Variants in SLCO3A1 observed in about 807,000 individuals in gnomAD.
SLCO3A1 encodes PGE1 transporter.
SLCO3A1 carries 27 observed loss-of-function variants against 63.1 expected under a neutral mutation model. That is an observed-to-expected ratio of 0.43 (90% CI 0.32 to 0.59). SLCO3A1 has a LOEUF of 0.59. SLCO3A1 is among the 20% of genes least tolerant of loss of function. SLCO3A1 has a pLI of 0.09. For missense variants in SLCO3A1, 773 were observed against 945.8 expected, an observed-to-expected ratio of 0.82 and a Z score of 2.40; for synonymous variants, 473 against 409.9, an observed-to-expected ratio of 1.15 and a Z score of -1.86.
chr15:92,017,401 A>G (rs147335644), intron 2 of SLCO3A1, among the ~76,000 whole-genome samples: 1,548 of 152,338 alleles, frequency 0.01, 23 homozygotes, highest in African/African-American at 0.034. Context: ...GTTCCCTGAC[A>G]GGGAAGGACC....
intron 2 of SLCO3A1, among the ~76,000 whole-genome samples, chr15:92,004,469 G>A (rs1597211353): frequency 6.6e-6 from 1 of 152,220 alleles, no homozygotes; most frequent in East Asian, 1.9e-4. Context: ...CGTGGAGAGG[G>A]GAGTGGTTTT....
At chr15:91,965,309 C>T (rs1210588378) in intron 2 of SLCO3A1, among the ~76,000 whole-genome samples, 1 of 152,158 alleles carries the variant, frequency 6.6e-6, no homozygotes, top group Admixed American at 6.5e-5. Context: ...AAACATTTAT[C>T]CCCCTGGATG....
chr15:92,104,252 A>C (rs758137793), intron 3 of SLCO3A1, 27 bp from the exon 4 acceptor site: 8 of 1,612,180 alleles, frequency 5.0e-6, no homozygotes, highest in Non-Finnish European at 6.8e-6. Flanking sequence ...TCTTTTCTCC[A>C]CTAAGCTGTG....
chr15:91,947,164 CTT>C (rs2151406140), intron 2 of SLCO3A1, among the ~76,000 whole-genome samples: 1 of 152,336 alleles, frequency 6.6e-6, no homozygotes, highest in African/African-American at 2.4e-5. Flanking sequence ...AAGCTTCGCT[CTT>C]TGAAATATCC....
intron 2 of SLCO3A1, among the ~76,000 whole-genome samples, chr15:91,964,528 T>C (rs2151423916): frequency 6.6e-6 from 1 of 152,136 alleles, no homozygotes; most frequent in East Asian, 1.9e-4. Flanking sequence ...TTGCTATATT[T>C]AGTTCCTCCT....
chr15:92,054,474 G>T (rs1000936556), intron 2 of SLCO3A1, among the ~76,000 whole-genome samples: 1 of 151,872 alleles, frequency 6.6e-6, no homozygotes, highest in Non-Finnish European at 1.5e-5. Context: ...TTTCAGTTCT[G>T]GGATACATGT....
In SLCO3A1 at chr15:92,080,938, CTGTGTGTGTGTG is replaced by C. The variant is rs542459686; in HGVS notation, c.647-13907_647-13896del. On this transcript the variant is annotated intron_variant, in intron 2 of 9. Transcript: ENST00000318445. The stretch of plus-strand genomic sequence containing the variant: ...TTTCATTTTTATGGATACATAGTAG[CTGTGTGTGTGTG>C]TGTGTGTGTGTGTGTGTGTGTGTGT... 5.0e-3 allele frequency among the ~76,000 whole-genome samples: 649 copies of C among 128,974 alleles called. 2 individuals carry two copies. Among genetic ancestry groups the C allele is most frequent in the African/African-American group, 0.014 (446 of 32,296 alleles). The allele number at this position is 128,974 out of a possible 152,430, so 84.6% of individuals were successfully genotyped here.
At chr15:92,110,885 A>T (rs1414680426) in intron 4 of SLCO3A1, among the ~76,000 whole-genome samples, 2 of 144,180 alleles carry the variant, frequency 1.4e-5, no homozygotes, top group Non-Finnish European at 3.1e-5. Context: ...TAGACTTGGC[A>T]AGAGCTTCAG....
chr15:92,147,080 C>A lies in SLCO3A1; in HGVS notation c.1609C>A (p.Leu537Ile), dbSNP rs748743279. The change falls in exon 8 of 10, where the codon CTC becomes ATC. Residue 537 changes from leucine (L) to isoleucine (I), a missense_variant. Transcript: ENST00000318445. ...CAGTCCTGGGTGCCAAGAGGCCTTCCTCACTTTCCTCTGTGTGATGTGTAT... is the reference window on the plus strand; with the variant it reads ...CAGTCCTGGGTGCCAAGAGGCCTTCATCACTTTCCTCTGTGTGATGTGTAT... Reference protein sequence around the residue: ...CPSPGCQEAFLTFLCVMCICS... With the variant: ...CPSPGCQEAFITFLCVMCICS... 1 of 1,614,170 alleles carries A rather than the reference C, an allele frequency of 6.2e-7. No homozygotes were observed. Among genetic ancestry groups the A allele is most frequent in the Non-Finnish European group, 8.5e-7 (1 of 1,180,022 alleles).
intron 2 of SLCO3A1, among the ~76,000 whole-genome samples, chr15:92,071,270 A>T (rs919109037): frequency 1.3e-5 from 2 of 152,262 alleles, no homozygotes; most frequent in East Asian, 1.9e-4. Flanking sequence ...GAGCGTGAGG[A>T]TGAAGACAGG....
chr15:91,980,240 A>G (rs2151435981), intron 2 of SLCO3A1, among the ~76,000 whole-genome samples: 1 of 152,134 alleles, frequency 6.6e-6, no homozygotes, highest in South Asian at 2.1e-4. Context: ...GAGCTGCCCA[A>G]GGGACATACA....
At chr15:92,022,525 G>C (rs2046522960) in intron 2 of SLCO3A1, among the ~76,000 whole-genome samples, 1 of 152,188 alleles carries the variant, frequency 6.6e-6, no homozygotes, top group Non-Finnish European at 1.5e-5. Context: ...AAAATGCATT[G>C]TTTCTGCCTT....
At chr15:91,917,396 C>T (rs1898698046) in intron 2 of SLCO3A1, among the ~76,000 whole-genome samples, 1 of 152,186 alleles carries the variant, frequency 6.6e-6, no homozygotes. Flanking sequence ...CTGGATTTGA[C>T]ATAAAGGTTC....
chr15:91,941,981 C>T lies in SLCO3A1; in HGVS notation c.646+25523C>T, dbSNP rs1453635103. Among the ~76,000 whole-genome samples, 1 of 152,196 alleles carries T rather than the reference C, an allele frequency of 6.6e-6. No homozygotes were observed. Among genetic ancestry groups the T allele is most frequent in the Non-Finnish European group, 1.5e-5 (1 of 68,040 alleles). On this transcript the variant is annotated intron_variant, in intron 2 of 9. Coordinates refer to ENST00000318445, the MANE Select transcript of SLCO3A1 (RefSeq NM_013272.4). The surrounding 1 kb of genome is among the most constrained non-coding windows in gnomAD (Gnocchi z 4.4). The stretch of plus-strand genomic sequence containing the variant: ...CTGCCTGCCTTTGAGCTAGGTCTTA[C>T]CCATCCACGACAAAAATGAGAGAAC...
chr15:91,968,596 G>C lies in SLCO3A1; in HGVS notation c.646+52138G>C, dbSNP rs566488703. The stretch of plus-strand genomic sequence containing the variant: ...AAGGAAGTTCCATCACAGACAAGGA[G>C]TGAGAAGAAGCCAGGGTAGAAACAA... On this transcript the variant is annotated intron_variant, in intron 2 of 9. Transcript: ENST00000318445. The surrounding 1 kb of genome is among the most constrained non-coding windows in gnomAD (Gnocchi z 4.2). Among the ~76,000 whole-genome samples the C allele has an allele frequency of 6.6e-6, 1 of 152,272 alleles. No individual in the cohort carries two copies. Among genetic ancestry groups the C allele is most frequent in the South Asian group, 2.1e-4 (1 of 4,820 alleles).
chr15:92,068,069 G>A (rs2047172733), intron 2 of SLCO3A1, among the ~76,000 whole-genome samples: 1 of 152,160 alleles, frequency 6.6e-6, no homozygotes, highest in Admixed American at 6.5e-5. Flanking sequence ...TGGGTATTAG[G>A]ATTTCAACAT....
intron 2 of SLCO3A1, among the ~76,000 whole-genome samples, chr15:92,049,499 G>C (rs1233291664): frequency 6.6e-6 from 1 of 152,174 alleles, no homozygotes; most frequent in African/African-American, 2.4e-5. Context: ...GGCCAATTCT[G>C]CCCAACACCT....
At chr15:91,957,142 T>TATAATATATAGTATATA (rs1357276396) in intron 2 of SLCO3A1, among the ~76,000 whole-genome samples, 1 of 5,432 alleles carries the variant, frequency 1.8e-4, no homozygotes, top group East Asian at 4.5e-3. Context: ...ATACTATATA[T>TATAATATATAGTATATA]TATAATATAT....
intron 4 of SLCO3A1, among the ~76,000 whole-genome samples, chr15:92,110,490 A>T (rs2047715391): frequency 6.6e-6 from 1 of 151,520 alleles, no homozygotes; most frequent in Non-Finnish European, 1.5e-5. Context: ...CGCCCACCTC[A>T]CTGGTCTCTT....
Sources: allele counts gnomAD v4.1 joint callset (sites outside exome capture counted in the v4.1 genomes callset), GRCh38; gene constraint gnomAD v4.1.1; non-coding constraint Gnocchi (gnomAD v3.1); transcripts MANE v1.5; gene names NCBI Gene and HGNC (gene_info 2026-07-23, HGNC 2026-07-21).